The following DLGAP1 variants were observed in gnomAD, a reference collection of about 807,000 sequenced individuals.
The protein encoded by DLGAP1 is DLG associated protein 1.
Under a neutral mutation model 90.8 loss-of-function variants are expected in DLGAP1, and 11 were observed. That is an observed-to-expected ratio of 0.12 (90% confidence interval 0.08 to 0.20). The LOEUF (loss-of-function observed/expected upper bound fraction) is 0.20, where lower values mean the gene tolerates loss of function less well. Among genes scored for constraint, DLGAP1 ranks in the 10% least tolerant of loss-of-function variants. The pLI, the probability that DLGAP1 is intolerant of heterozygous loss-of-function variation, is 1.00. For synonymous variants in DLGAP1, 558 were observed against 540.7 expected (o/e 1.03, Z -0.44); for missense variants, 1,050 against 1,333.8 (o/e 0.79, Z 3.31).
intron 3 of DLGAP1, among the ~76,000 whole-genome samples, chr18:3,974,241 A>C (rs1568328610): frequency 6.6e-6 from 1 of 151,826 alleles, no homozygotes; most frequent in Non-Finnish European, 1.5e-5. Flanking sequence ...CACCTGGCTA[A>C]TTTTTTTGTA....
In DLGAP1 at chr18:4,163,508, A is replaced by G. The variant is rs185063014; in HGVS notation, c.-266-12221T>C. 5.3e-5 allele frequency among the ~76,000 whole-genome samples: 8 copies of G among 152,336 alleles called. No individual in the cohort carries two copies. The East Asian group carries it at 1.3e-3, about 26-fold the overall frequency. On this transcript the variant is annotated intron_variant, in intron 1 of 12. Coordinates refer to ENST00000315677, the MANE Select transcript of DLGAP1 (RefSeq NM_004746.4). ...GTGCCCAAATAATGCAGTTTATTGT[A>G]ACTTATTTTCATTAGTTCCCACATG...
At chr18:3,531,453 T>C (rs116521520) in intron 10 of DLGAP1, among the ~76,000 whole-genome samples, 1,951 of 151,802 alleles carry the variant, frequency 0.013, 38 homozygotes, top group African/African-American at 0.045. Context: ...AAAAAAATTA[T>C]TGTTTTTGTT....
At chr18:4,183,649 A>G (rs1310931467) in intron 1 of DLGAP1, among the ~76,000 whole-genome samples, 1 of 152,096 alleles carries the variant, frequency 6.6e-6, no homozygotes, top group Non-Finnish European at 1.5e-5. Context: ...GAAAGGGAAG[A>G]GTCATGGATT....
intron 6 of DLGAP1, among the ~76,000 whole-genome samples, chr18:3,741,031 A>C (rs1598535926): frequency 1.2e-5 from 1 of 86,018 alleles, no homozygotes; most frequent in Non-Finnish European, 2.3e-5. Flanking sequence ...CACCACCACC[A>C]CCACCATCAC....
At chr18:3,856,405 T>G (rs1306473582) in intron 4 of DLGAP1, among the ~76,000 whole-genome samples, 3 of 152,164 alleles carry the variant, frequency 2.0e-5, no homozygotes, top group Non-Finnish European at 4.4e-5. Context: ...TGGCCCAATT[T>G]TTTTGTTAAT....
chr18:4,059,583 T>C (rs539864636), intron 2 of DLGAP1, among the ~76,000 whole-genome samples: 18 of 152,180 alleles, frequency 1.2e-4, no homozygotes, highest in Non-Finnish European at 2.2e-4. Flanking sequence ...TGGTGGTGCA[T>C]GCCTGTAATC....
At chr18:3,873,969 T>C (rs554727350) in intron 4 of DLGAP1, among the ~76,000 whole-genome samples, 16 of 152,288 alleles carry the variant, frequency 1.1e-4, no homozygotes, top group Middle Eastern at 3.4e-3. Flanking sequence ...ATATCTGATG[T>C]CTCCATCTGC....
intron 7 of DLGAP1, among the ~76,000 whole-genome samples, chr18:3,609,625 G>A (rs1855714335): frequency 6.6e-6 from 1 of 152,148 alleles, no homozygotes; most frequent in South Asian, 2.1e-4. Context: ...CTATCTCATA[G>A]TGTGATGCGG....
At chr18:3,583,527 CACTGTACAAAAGTCTCCT>C (rs2055694580) in intron 7 of DLGAP1, among the ~76,000 whole-genome samples, 2 of 152,146 alleles carry the variant, frequency 1.3e-5, no homozygotes, top group Non-Finnish European at 2.9e-5. Flanking sequence ...AGAGTATTTA[CACTGTACAAAAGTCTCCT>C]ATTGTAGAAA....
intron 1 of DLGAP1, among the ~76,000 whole-genome samples, chr18:4,387,197 A>G (rs1245849048): frequency 1.3e-5 from 2 of 152,206 alleles, no homozygotes; most frequent in African/African-American, 4.8e-5. Flanking sequence ...GGCAATATCA[A>G]TCAGTCAAGA....
intron 3 of DLGAP1, among the ~76,000 whole-genome samples, chr18:3,967,539 T>TGAC (rs1340527849): frequency 2.0e-5 from 3 of 152,192 alleles, no homozygotes; most frequent in Admixed American, 2.0e-4. Flanking sequence ...TCCCTGCAGG[T>TGAC]GACTGATGCC....
chr18:3,814,739 G>C (rs2067017039), intron 4 of DLGAP1, among the ~76,000 whole-genome samples: 1 of 152,180 alleles, frequency 6.6e-6, no homozygotes, highest in Non-Finnish European at 1.5e-5. Flanking sequence ...AATCACATCA[G>C]GGTAAATGGG....
intron 1 of DLGAP1, among the ~76,000 whole-genome samples, chr18:4,380,794 A>C (rs1193715022): frequency 4.6e-5 from 7 of 152,202 alleles, no homozygotes; most frequent in African/African-American, 1.7e-4. Context: ...GATGAGATAC[A>C]TCTTTGTCAT....
intron 1 of DLGAP1, among the ~76,000 whole-genome samples, chr18:4,311,605 T>C (rs1194805304): frequency 1.3e-5 from 2 of 152,308 alleles, no homozygotes; most frequent in East Asian, 3.9e-4. Context: ...TTATAGGCCA[T>C]TAGTGGATCA....
intron 2 of DLGAP1, among the ~76,000 whole-genome samples, chr18:4,077,852 C>A (rs1324099428): frequency 6.6e-6 from 1 of 152,140 alleles, no homozygotes; most frequent in Non-Finnish European, 1.5e-5. Flanking sequence ...ATTAGGAAAT[C>A]TTTGCATGTC....
intron 4 of DLGAP1, among the ~76,000 whole-genome samples, chr18:3,876,648 T>C (rs944848740): frequency 1.3e-5 from 2 of 152,170 alleles, no homozygotes; most frequent in Non-Finnish European, 2.9e-5. Flanking sequence ...TTAATATGAG[T>C]GTGTCTGTGA....
At chr18:4,047,004 T>G (rs560611330) in intron 2 of DLGAP1, among the ~76,000 whole-genome samples, 40 of 152,362 alleles carry the variant, frequency 2.6e-4, no homozygotes, top group South Asian at 2.3e-3. Flanking sequence ...ATCCTGGAAC[T>G]AGAGATTTTT....
At position 3,540,757 on chromosome 18, in the gene DLGAP1, G is replaced by A. The variant is rs1283072131; in HGVS notation, c.2058-6142C>T. On this transcript the variant is annotated intron_variant, in intron 9 of 12. Coordinates refer to ENST00000315677, the MANE Select transcript of DLGAP1 (RefSeq NM_004746.4). ...TTTGCTTAAATACATCATGCTTGAA[G>A]ATGTCTTTAAAGTAAAGGAAAATAG... Among the ~76,000 whole-genome samples the A allele has an allele frequency of 3.9e-5, 6 of 152,188 alleles. No individual in the cohort carries two copies. The East Asian group carries it at 1.2e-3, about 29-fold the overall frequency.
intron 5 of DLGAP1, among the ~76,000 whole-genome samples, chr18:3,743,909 C>T (rs2063162072): frequency 6.6e-6 from 1 of 152,314 alleles, no homozygotes; most frequent in South Asian, 2.1e-4. Flanking sequence ...CTCGGCCTCC[C>T]AAAGTGTTGG....
Sources: gnomAD v4.1 joint callset for allele counts (sites outside exome capture counted in the v4.1 genomes callset) on GRCh38, gnomAD v4.1.1 for gene constraint, MANE v1.5 for transcripts, NCBI Gene and HGNC (gene_info 2026-07-23, HGNC 2026-07-21) for gene names.